Variants in MCCC1 observed in about 807,000 individuals in gnomAD.
MCCC1 encodes methylcrotonoyl-CoA carboxylase subunit alpha, mitochondrial.
In MCCC1, 64 loss-of-function variants were observed where a neutral mutation model predicts 83.8. The ratio of observed to expected loss-of-function variants is 0.76; its 90% CI spans 0.62 to 0.94. The LOEUF is 0.94. Among genes scored for constraint, MCCC1 ranks in the 40% least tolerant of loss-of-function variants. MCCC1 has a pLI of 0.00. For missense variants in MCCC1, 807 were observed against 904.7 expected (o/e 0.89, Z 1.39); for synonymous variants, 322 against 315.4 (o/e 1.02, Z -0.22).
rs376313483 is a variant in MCCC1, at chr3:183,020,188, A to C, written c.1919T>G (p.Val640Gly). ...DIPVPKYLSS[V>G]SSQETQGGPL... is the part of the protein sequence containing the mutation. ...GCCGCCCTGAGTTTCTTGTGAGCTC[A>C]CAGAAGATAAGTATTTGGGGACTGG... is the stretch of plus-strand genomic sequence containing the variant. The change falls in exon 17 of 19, where the codon GTG becomes GGG. Residue 640 changes from valine (V) to glycine (G), a missense_variant. Val to Gly is a moderately radical substitution (Grantham distance 109, BLOSUM62 -3). Coordinates refer to ENST00000265594, the MANE Select transcript of MCCC1 (RefSeq NM_020166.5). 1 of 1,614,150 alleles carries C rather than the reference A, an allele frequency of 6.2e-7. No individual in the cohort carries two copies. The highest frequency in any genetic ancestry group is 8.5e-7 in the Non-Finnish European group (1 of 1,179,976).
intron 1 of MCCC1, 44 bp from the exon 2 acceptor site, chr3:183,094,649 C>G: frequency 6.4e-7 from 1 of 1,565,940 alleles, no homozygotes; most frequent in Non-Finnish European, 8.8e-7. Flanking sequence ...ACAGAATAGG[C>G]AACACAATTG....
intron 3 of MCCC1, among the ~76,000 whole-genome samples, chr3:183,090,365 T>C (rs368992919): frequency 2.0e-5 from 3 of 152,104 alleles, no homozygotes; most frequent in African/African-American, 7.2e-5. Flanking sequence ...AGAAGATCCT[T>C]TTCTTTTTGA....
In MCCC1 at chr3:183,045,549, T is replaced by TA. The variant is rs747546545; in HGVS notation, c.956-10dup. 12 of 1,613,532 alleles carry TA rather than the reference T, an allele frequency of 7.4e-6. No homozygotes were observed. Among genetic ancestry groups the TA allele is most frequent in the Middle Eastern group, 1.7e-4 (1 of 6,058 alleles). On this transcript the variant is annotated splice_polypyrimidine_tract_variant and intron_variant, in intron 9 of 18. Coordinates refer to ENST00000265594, the MANE Select transcript of MCCC1 (RefSeq NM_020166.5). ...AATAAACTCCACAGTCCCTAAAAGG[T>TA]AAAAAACAATGGTCATATTCAATAG...
chr3:183,076,464 C>T (rs186318803), intron 4 of MCCC1, among the ~76,000 whole-genome samples: 69 of 152,204 alleles, frequency 4.5e-4, no homozygotes, highest in Admixed American at 6.5e-5. Flanking sequence ...TTATGAATAA[C>T]GGTGTTATAA....
At chr3:183,045,090 ATCT>A (rs1714434630) in intron 10 of MCCC1, among the ~76,000 whole-genome samples, 2 of 146,230 alleles carry the variant, frequency 1.4e-5, no homozygotes, top group South Asian at 4.3e-4. Context: ...ATCAAGACTG[ATCT>A]TTTTTTTTTT....
At chr3:183,028,984 T>G (rs1481278579) in intron 14 of MCCC1, 1 of 152,216 alleles carries the variant, frequency 6.6e-6, no homozygotes, top group Non-Finnish European at 1.5e-5. Context: ...CATTTCTTAA[T>G]TAAGGTATAT....
rs1175377728 is a variant in MCCC1 at position 183,045,428 on chromosome 3, C to T, written c.1068G>A (p.Val356=). ...VTEMITGTDL[V]EWQLRIAAGE... is the part of the protein sequence containing the mutation. ...ATATTCTCACTCTAAGCTGCCACTC[C>T]ACCAAGTCAGTTCCTGTGATCATCT... Residue 356 remains valine (V), a synonymous_variant, in exon 10 of 19, where the codon GTG becomes GTA. Coordinates refer to ENST00000265594, the MANE Select transcript of MCCC1 (RefSeq NM_020166.5). The T allele has an allele frequency of 6.2e-7, 1 of 1,614,096 alleles. No individual in the cohort carries two copies. Among genetic ancestry groups the T allele is most frequent in the African/African-American group, 1.3e-5 (1 of 75,042 alleles).
intron 4 of MCCC1, among the ~76,000 whole-genome samples, chr3:183,074,301 A>G (rs953838804): frequency 6.6e-6 from 1 of 152,206 alleles, no homozygotes. Context: ...GAGGAAATTC[A>G]GTAACTGAAG....
intron 14 of MCCC1, among the ~76,000 whole-genome samples, chr3:183,033,438 A>G (rs1713249102): frequency 6.6e-6 from 1 of 152,220 alleles, no homozygotes; most frequent in Non-Finnish European, 1.5e-5. Context: ...ACGTGGGTAT[A>G]ACAGCGACTC....
chr3:183,042,482 G>A (rs1393451045), intron 10 of MCCC1, among the ~76,000 whole-genome samples: 1 of 152,132 alleles, frequency 6.6e-6, no homozygotes, highest in Non-Finnish European at 1.5e-5. Context: ...ATGAGAAAAT[G>A]ACAACCTGAG....
intron 11 of MCCC1, among the ~76,000 whole-genome samples, chr3:183,039,709 G>C (rs1384820308): frequency 1.3e-5 from 2 of 152,158 alleles, no homozygotes; most frequent in East Asian, 3.9e-4. Context: ...GGTTCAAGTA[G>C]AAAGGATGTG....
intron 7 of MCCC1, among the ~76,000 whole-genome samples, chr3:183,063,224 T>C (rs533291369): frequency 6.6e-6 from 1 of 152,198 alleles, no homozygotes; most frequent in African/African-American, 2.4e-5. Context: ...CCTCGTGATC[T>C]GCCCACCTCA....
intron 3 of MCCC1, 110 bp downstream of exon 3, chr3:183,092,299 A>T: frequency 7.1e-7 from 1 of 1,399,622 alleles, no homozygotes; most frequent in Non-Finnish European, 1.0e-6. Context: ...GAACTTACCT[A>T]CTTCAACCCT....
intron 4 of MCCC1, among the ~76,000 whole-genome samples, chr3:183,073,765 T>G (rs1472581243): frequency 6.6e-6 from 1 of 152,254 alleles, no homozygotes; most frequent in African/African-American, 2.4e-5. Context: ...ATTTTTTTCT[T>G]TCCTTGAGAA....
At chr3:183,041,478 TG>T (rs2108478655) in intron 11 of MCCC1, 88 bp downstream of exon 11, 1 of 1,370,056 alleles carries the variant, frequency 7.3e-7, no homozygotes, top group African/African-American at 1.4e-5. Context: ...TAGACAGTTC[TG>T]TAAGACTCAG....
At chr3:183,090,758 T>C (rs1718263301) in intron 3 of MCCC1, among the ~76,000 whole-genome samples, 1 of 152,082 alleles carries the variant, frequency 6.6e-6, no homozygotes, top group Non-Finnish European at 1.5e-5. Context: ...CCCAGCTAAT[T>C]TTGTATTTTT....
intron 1 of MCCC1, among the ~76,000 whole-genome samples, chr3:183,111,999 A>C (rs1479311849): frequency 1.3e-5 from 2 of 152,204 alleles, no homozygotes; most frequent in Non-Finnish European, 2.9e-5. Context: ...TAAAAAAAAA[A>C]ACATTCCTCA....
At chr3:183,083,813 A>G (rs1717692268) in intron 4 of MCCC1, among the ~76,000 whole-genome samples, 1 of 152,242 alleles carries the variant, frequency 6.6e-6, no homozygotes, top group African/African-American at 2.4e-5. Flanking sequence ...ATTGGCCTAC[A>G]AGAAGTAATT....
chr3:183,056,725 CT>C lies in MCCC1; in HGVS notation c.873+585del, dbSNP rs1375345081. ...TTTTTTGTTTGAGACAAGAGTTTTG[CT>C]CTTGTTGCCCAGGCTGGAGTGCAAT... On this transcript the variant is annotated intron_variant, in intron 8 of 18. Coordinates refer to ENST00000265594, the MANE Select transcript of MCCC1 (RefSeq NM_020166.5). Among the ~76,000 whole-genome samples, 3 of 152,110 alleles carry C rather than the reference CT, an allele frequency of 2.0e-5. No individual in the cohort carries two copies. The East Asian group carries it at 5.8e-4, about 29-fold the overall frequency.
Sources: allele counts gnomAD v4.1 joint callset (sites outside exome capture counted in the v4.1 genomes callset), GRCh38; gene constraint gnomAD v4.1.1; transcripts MANE v1.5; gene names NCBI Gene and HGNC (gene_info 2026-07-23, HGNC 2026-07-21).